Variants in RBFOX3 observed in about 807,000 individuals in gnomAD.
RBFOX3 encodes the protein RNA binding fox-1 homolog 3.
Under a neutral mutation model 48.7 loss-of-function variants are expected in RBFOX3, and 17 were observed. The ratio of observed to expected loss-of-function variants is 0.35; its 90% CI spans 0.24 to 0.52. The LOEUF (loss-of-function observed/expected upper bound fraction) is 0.52. RBFOX3 is among the 20% of genes least tolerant of loss of function. The pLI is 0.94. For missense variants in RBFOX3, 382 were observed against 497.5 expected (o/e 0.77, Z 2.21); for synonymous variants, 212 against 209.5 (o/e 1.01, Z -0.10).
chr17:79,301,584 G>A (rs1264698102), intron 3 of RBFOX3, among the ~76,000 whole-genome samples: 9 of 152,194 alleles, frequency 5.9e-5, no homozygotes, highest in African/African-American at 1.9e-4. Flanking sequence ...GCACCTCGCT[G>A]GAAAGTGAGT....
At position 79,199,244 on chromosome 17, in the gene RBFOX3, G is replaced by GC. The variant is rs950730923; in HGVS notation, c.-34+36521dup. Among the ~76,000 whole-genome samples the GC allele has an allele frequency of 2.0e-5, 3 of 152,122 alleles. No homozygotes were observed. The highest frequency in any genetic ancestry group is 3.9e-4 in the East Asian group (2 of 5,186). ...AGGGCCTTTCGAAAAGACCTCCCTA[G>GC]CCCCCCACCCTCGGCAGCACCACCC... On this transcript the variant is annotated intron_variant, in intron 4 of 14. Transcript: ENST00000693108. This position sits in a 1 kb window ranked among gnomAD's most constrained non-coding sequence, Gnocchi z 5.1.
At chr17:79,420,128 T>TACAC (rs58282867) in intron 2 of RBFOX3, among the ~76,000 whole-genome samples, 5,701 of 113,970 alleles carry the variant, frequency 0.05, 174 homozygotes, top group Middle Eastern at 0.098. Flanking sequence ...CTCCGTCTCA[T>TACAC]ACACACACAC....
intron 3 of RBFOX3, among the ~76,000 whole-genome samples, chr17:79,237,479 TC>T (rs1232674607): frequency 6.6e-6 from 1 of 152,086 alleles, no homozygotes; most frequent in Non-Finnish European, 1.5e-5. Flanking sequence ...AGCTGGCCCG[TC>T]CCCCAGAGCA....
intron 1 of RBFOX3, among the ~76,000 whole-genome samples, chr17:79,513,000 C>T (rs1599006958): frequency 6.7e-6 from 1 of 149,396 alleles, no homozygotes; most frequent in Middle Eastern, 3.6e-3. Context: ...GGGTACAGCC[C>T]CATGGCCAGG....
At chr17:79,613,332 C>A (rs1312008337), upstream of RBFOX3, among the ~76,000 whole-genome samples, 1 of 152,228 alleles carries the variant, frequency 6.6e-6, no homozygotes, top group Non-Finnish European at 1.5e-5. Flanking sequence ...GGGAACAGGC[C>A]CCAGCCAGGC....
chr17:79,305,026 G>A (rs1452999116), intron 3 of RBFOX3, among the ~76,000 whole-genome samples: 1 of 152,218 alleles, frequency 6.6e-6, no homozygotes, highest in Non-Finnish European at 1.5e-5. Context: ...AGAGGGCCGG[G>A]TGGACTCCGC....
intron 3 of RBFOX3, among the ~76,000 whole-genome samples, chr17:79,263,163 AC>A (rs547316781): frequency 1.3e-5 from 2 of 151,732 alleles, no homozygotes; most frequent in East Asian, 2.0e-4. Flanking sequence ...ATGCTGGGGT[AC>A]CCCCCCGGCT....
the RBFOX3 span, among the ~76,000 whole-genome samples, chr17:79,629,840 T>C: frequency 5.5e-3 from 834 of 152,350 alleles, 12 homozygotes; most frequent in African/African-American, 0.018. Context: ...CATTGCAAAG[T>C]GTTTATAAAC....
At chr17:79,314,648 G>A (rs747015605) in intron 2 of RBFOX3, among the ~76,000 whole-genome samples, 3 of 152,098 alleles carry the variant, frequency 2.0e-5, no homozygotes, top group East Asian at 1.9e-4. Flanking sequence ...TAAAAGGAAC[G>A]TATCAGAAAC....
Position 79,095,565 on chromosome 17 carries a change from C to A in RBFOX3, c.946G>T (p.Ala316Ser), listed in dbSNP as rs1440844625. ...GCGGGCTGAGCGTATCTGTAGGCTG[C>A]GTAGCCTCCCTGCAGGGTAAGTGGG... Reference protein sequence around the residue: ...FYGAEIYGGYAAYRYAQPAAA... With the variant: ...FYGAEIYGGYSAYRYAQPAAA... The change falls in exon 13 of 15, where the codon GCA becomes TCA. Residue 316 changes from alanine (A) to serine (S), a missense_variant. By Grantham distance (99) the Ala-to-Ser change is moderately conservative (BLOSUM62 1). Transcript: ENST00000693108. 1 of 1,551,160 alleles carries A rather than the reference C, an allele frequency of 6.4e-7. No homozygotes were observed. Among genetic ancestry groups the A allele is most frequent in the African/African-American group, 1.4e-5 (1 of 73,152 alleles).
intron 2 of RBFOX3, among the ~76,000 whole-genome samples, chr17:79,389,077 C>T (rs767047876): frequency 1.1e-4 from 16 of 151,252 alleles, no homozygotes; most frequent in African/African-American, 2.7e-4. Context: ...AGAACAGAGA[C>T]GGAGGGACGA....
At chr17:79,106,552 CG>C (rs992741718) in intron 6 of RBFOX3, 98 bp downstream of exon 6, 4 of 1,359,446 alleles carry the variant, frequency 2.9e-6, no homozygotes, top group Non-Finnish European at 2.8e-6. Flanking sequence ...GCAGGAAACC[CG>C]GGGGAACAGG....
At chr17:79,225,447 C>T (rs1459902597) in intron 4 of RBFOX3, among the ~76,000 whole-genome samples, 4 of 152,154 alleles carry the variant, frequency 2.6e-5, no homozygotes, top group African/African-American at 9.7e-5. Context: ...TGCACCAACA[C>T]ACCTGGCTAA....
intron 2 of RBFOX3, among the ~76,000 whole-genome samples, chr17:79,449,328 C>T (rs369579485): frequency 1.2e-4 from 19 of 152,134 alleles, no homozygotes; most frequent in African/African-American, 3.9e-4. Context: ...TCTGCCCCCA[C>T]GATCCTTCCT....
intron 3 of RBFOX3, among the ~76,000 whole-genome samples, chr17:79,270,031 C>G (rs567472635): frequency 6.6e-6 from 1 of 152,136 alleles, no homozygotes; most frequent in South Asian, 2.1e-4. Context: ...TTGGCTTGAC[C>G]TCTCCCCCTC....
At chr17:79,486,311 T>G (rs901035236) in intron 1 of RBFOX3, among the ~76,000 whole-genome samples, 15 of 152,122 alleles carry the variant, frequency 9.9e-5, no homozygotes, top group Non-Finnish European at 2.9e-5. Context: ...AAGGGTCCAG[T>G]CTGTCTCGGG....
At chr17:79,317,303 A>C (rs1443163531) in intron 2 of RBFOX3, among the ~76,000 whole-genome samples, 1 of 152,216 alleles carries the variant, frequency 6.6e-6, no homozygotes, top group Non-Finnish European at 1.5e-5. Flanking sequence ...GTTTCTTTTC[A>C]AACAGAACGG....
intron 1 of RBFOX3, among the ~76,000 whole-genome samples, chr17:79,522,619 T>C (rs1332279831): frequency 2.0e-5 from 3 of 151,670 alleles, no homozygotes; most frequent in East Asian, 1.9e-4. Context: ...ACCTCAGGAA[T>C]GTCAGATCTC....
chr17:79,619,637 G>A, the RBFOX3 span, among the ~76,000 whole-genome samples: 1 of 152,144 alleles, frequency 6.6e-6, no homozygotes, highest in Non-Finnish European at 1.5e-5. Context: ...AGGTGGACAT[G>A]AACAGGGGAT....
Sources: gnomAD v4.1 joint callset for allele counts (sites outside exome capture counted in the v4.1 genomes callset) on GRCh38, gnomAD v4.1.1 for gene constraint, Gnocchi (gnomAD v3.1) non-coding constraint, MANE v1.5 for transcripts, NCBI Gene and HGNC (gene_info 2026-07-23, HGNC 2026-07-21) for gene names.